OTUD7A: variants seen among roughly 807,000 people sequenced by gnomAD.
The protein encoded by OTUD7A is OTU deubiquitinase 7A.
A neutral mutation model predicts 65.7 loss-of-function variants in OTUD7A; 12 were observed. The observed-to-expected ratio is 0.18, with a 90% CI of 0.12 to 0.30. The LOEUF is 0.30. Among genes scored for constraint, OTUD7A ranks in the 10% least tolerant of loss-of-function variants. The pLI, the probability that OTUD7A is intolerant of heterozygous loss-of-function variation, is 1.00. For missense variants in OTUD7A, 1,148 were observed against 1,304.8 expected, an observed-to-expected ratio of 0.88 and a Z score of 1.85; for synonymous variants, 641 against 586.3, an observed-to-expected ratio of 1.09 and a Z score of -1.35.
chr15:31,693,986 T>C (rs1367145569), intron 1 of OTUD7A, among the ~76,000 whole-genome samples: 2 of 152,134 alleles, frequency 1.3e-5, no homozygotes, highest in East Asian at 1.9e-4. Context: ...CTGACACTAT[T>C]GTAAAGTAAA....
At chr15:31,517,168 C>T (rs958632254) in intron 8 of OTUD7A, among the ~76,000 whole-genome samples, 2 of 152,186 alleles carry the variant, frequency 1.3e-5, no homozygotes, top group African/African-American at 4.8e-5. Flanking sequence ...AGAAGTATCC[C>T]ATGAAAGGCA....
intron 3 of OTUD7A, among the ~76,000 whole-genome samples, chr15:31,598,102 G>A (rs901217162): frequency 1.3e-5 from 2 of 152,150 alleles, no homozygotes; most frequent in Non-Finnish European, 2.9e-5. Flanking sequence ...TTGCCCCTAG[G>A]TTAGGGGAGG....
At chr15:31,509,529 T>C (rs2041644324) in intron 8 of OTUD7A, among the ~76,000 whole-genome samples, 2 of 152,128 alleles carry the variant, frequency 1.3e-5, no homozygotes, top group Non-Finnish European at 2.9e-5. Flanking sequence ...CCGCCTGCCT[T>C]GGCCTCCCAA....
chr15:31,569,968 C>T (rs199844380), intron 4 of OTUD7A, 50 bp downstream of exon 4: 75 of 1,595,970 alleles, frequency 4.7e-5, no homozygotes, highest in Admixed American at 6.8e-5. Flanking sequence ...CTGCAAGCTG[C>T]GGTGCACTGG....
At chr15:31,817,288 AC>A (rs1896575795) in intron 1 of OTUD7A, among the ~76,000 whole-genome samples, 1 of 126,640 alleles carries the variant, frequency 7.9e-6, no homozygotes, top group African/African-American at 2.9e-5. Flanking sequence ...CCCCCCCATC[AC>A]TCATGGCTTA....
rs1369110074 is a variant in OTUD7A at position 31,511,060 on chromosome 15, CAT to C, written c.894-7244_894-7243del. 3.8e-4 allele frequency among the ~76,000 whole-genome samples: 26 copies of C among 67,792 alleles called. 12 individuals carry two copies. In the East Asian group the frequency reaches 0.011, roughly 29 times the overall value. 44.5% of individuals were successfully genotyped at this position (67,792 alleles called of 152,430 possible). On this transcript the variant is annotated intron_variant, in intron 8 of 12. Coordinates refer to ENST00000307050, the MANE Select transcript of OTUD7A (RefSeq NM_001382637.1). ...AACATACATGTATATCTATATGTAACATACATATATATGTATATCTATATGTA... is the reference window on the plus strand; with the variant it reads ...AACATACATGTATATCTATATGTAACACATATATATGTATATCTATATGTA...
chr15:31,657,717 T>C (rs913472725), intron 1 of OTUD7A, among the ~76,000 whole-genome samples: 2 of 152,160 alleles, frequency 1.3e-5, no homozygotes, highest in Non-Finnish European at 2.9e-5. Context: ...CTCACATTCA[T>C]GTCCCATGAT....
rs750276174 is a variant in OTUD7A at position 31,487,183 on chromosome 15, G to A, written c.1371+11C>T. The A allele has an allele frequency of 8.8e-5, 142 of 1,612,482 alleles. No homozygotes were observed. The highest frequency in any genetic ancestry group is 1.2e-4 in the Non-Finnish European group (138 of 1,179,296). ...TGCTGCCAGGTCTGGTCCCAGCACA[G>A]CCAGGCTCACCCGTGTCTCGGAGGG... On this transcript the variant is annotated intron_variant, in intron 12 of 12. Coordinates refer to ENST00000307050, the MANE Select transcript of OTUD7A (RefSeq NM_001382637.1). The surrounding 1 kb of genome is among the most constrained non-coding windows in gnomAD (Gnocchi z 6.0).
intron 3 of OTUD7A, among the ~76,000 whole-genome samples, chr15:31,594,808 T>G (rs937604573): frequency 6.6e-6 from 1 of 152,100 alleles, no homozygotes; most frequent in African/African-American, 2.4e-5. Context: ...ATGAGGGTGG[T>G]GACAGGGATG....
intron 9 of OTUD7A, 127 bp from the exon 10 acceptor site, chr15:31,501,966 G>A (rs1040667275): frequency 1.9e-6 from 2 of 1,055,190 alleles, no homozygotes; most frequent in Non-Finnish European, 1.3e-6. Context: ...CAGGAGGGGT[G>A]GATGGAGGCG....
chr15:31,700,371 G>A (rs1188639241), intron 1 of OTUD7A, among the ~76,000 whole-genome samples: 1 of 152,054 alleles, frequency 6.6e-6, no homozygotes, highest in Non-Finnish European at 1.5e-5. Context: ...GATGGGATGT[G>A]CACTTATACG....
chr15:31,617,514 C>T (rs1238661752), intron 3 of OTUD7A, among the ~76,000 whole-genome samples: 1 of 151,918 alleles, frequency 6.6e-6, no homozygotes, highest in Non-Finnish European at 1.5e-5. Context: ...TAACTGATAA[C>T]TCTGGCAAGA....
chr15:31,535,241 T>C (rs1410691118), intron 5 of OTUD7A, among the ~76,000 whole-genome samples: 2 of 152,200 alleles, frequency 1.3e-5, no homozygotes, highest in African/African-American at 4.8e-5. Flanking sequence ...TCCCCCATGC[T>C]GTTCTCATGA....
rs1174556365 is a variant in OTUD7A, at chr15:31,483,631, G to A, written c.2465C>T (p.Ala822Val). 4.2e-6 allele frequency: 5 copies of A among 1,181,786 alleles called. No individual in the cohort carries two copies. Among genetic ancestry groups the A allele is most frequent in the Non-Finnish European group, 5.2e-6 (5 of 958,660 alleles). 73.2% of individuals were successfully genotyped at this position (1,181,786 alleles called of 1,614,324 possible). A position where few individuals can be genotyped will look rare whatever the true frequency, so the allele number is the denominator to read the frequency against. Residue 822 changes from alanine (A) to valine (V), a missense_variant, in exon 13 of 13, where the codon GCC becomes GTC. Coordinates refer to ENST00000307050, the MANE Select transcript of OTUD7A (RefSeq NM_001382637.1). ...GACCGTGTTGACGGTGCGCAGGGCG[G>A]CGGCGCGCGCCGGGCTGTAGCTCTG... ...SSQSYSPARA[A>V]ALRTVNTVES...
chr15:31,493,025 A>G (rs1274964220), intron 10 of OTUD7A, among the ~76,000 whole-genome samples: 1 of 151,914 alleles, frequency 6.6e-6, no homozygotes, highest in Admixed American at 6.6e-5. Context: ...GGCCAACATG[A>G]TGAAACCCTG....
At chr15:31,504,507 T>C (rs1431673862) in intron 8 of OTUD7A, among the ~76,000 whole-genome samples, 2 of 151,976 alleles carry the variant, frequency 1.3e-5, no homozygotes, top group Non-Finnish European at 2.9e-5. Flanking sequence ...AGCCTCGATG[T>C]CCCCCCATAG....
intron 3 of OTUD7A, among the ~76,000 whole-genome samples, chr15:31,628,658 C>T (rs1442669399): frequency 6.6e-6 from 1 of 152,118 alleles, no homozygotes; most frequent in Non-Finnish European, 1.5e-5. Context: ...ATGGGGATGG[C>T]ATTGAATCTA....
intron 1 of OTUD7A, among the ~76,000 whole-genome samples, chr15:31,694,771 T>A (rs1893036211): frequency 6.6e-6 from 1 of 152,226 alleles, no homozygotes; most frequent in Non-Finnish European, 1.5e-5. Flanking sequence ...CCAGGTTCAT[T>A]CTTGCCGTAC....
intron 1 of OTUD7A, among the ~76,000 whole-genome samples, chr15:31,735,649 T>C (rs188311824): frequency 6.6e-6 from 1 of 152,156 alleles, no homozygotes; most frequent in South Asian, 2.1e-4. Flanking sequence ...GAAGATAGTG[T>C]GGTGATTTCT....
Sources: allele counts gnomAD v4.1 joint callset (sites outside exome capture counted in the v4.1 genomes callset), GRCh38; gene constraint gnomAD v4.1.1; non-coding constraint Gnocchi (gnomAD v3.1); transcripts MANE v1.5; gene names NCBI Gene and HGNC (gene_info 2026-07-23, HGNC 2026-07-21).